Variants in CUBN observed in about 807,000 individuals in gnomAD.
CUBN encodes 460 kDa receptor.
A neutral mutation model predicts 405.3 loss-of-function variants in CUBN; 282 were observed. The ratio of observed to expected loss-of-function variants is 0.70; its 90% CI spans 0.63 to 0.77. The LOEUF is 0.77. Among genes scored for constraint, CUBN ranks in the 30% least tolerant of loss-of-function variants. The pLI is 0.00. For synonymous variants in CUBN, 1,684 were observed against 1,617.0 expected (o/e 1.04, Z -0.99); for missense variants, 4,514 against 4,475.2 (o/e 1.01, Z -0.25).
intron 28 of CUBN, among the ~76,000 whole-genome samples, chr10:16,992,886 G>A (rs1056961293): frequency 2.0e-5 from 3 of 152,232 alleles, no homozygotes; most frequent in African/African-American, 7.2e-5. Context: ...CACAAGTACC[G>A]TAAAAGATGA....
At chr10:16,901,912 TATATATA>T (rs1564412988) in intron 51 of CUBN, among the ~76,000 whole-genome samples, 1 of 77,992 alleles carries the variant, frequency 1.3e-5, no homozygotes, top group Non-Finnish European at 2.9e-5. Flanking sequence ...TATATATATA[TATATATA>T]CACACACACA....
chr10:16,971,805 A>AC (rs1554802957), intron 31 of CUBN, among the ~76,000 whole-genome samples: 1 of 149,894 alleles, frequency 6.7e-6, no homozygotes, highest in African/African-American at 2.5e-5. Context: ...ATATTTCTCC[A>AC]TTTTTTTTAA....
rs1444343048 is a variant in CUBN at position 16,898,191 on chromosome 10, C to A, written c.8598+805G>T. 1.3e-5 allele frequency among the ~76,000 whole-genome samples: 2 copies of A among 151,706 alleles called. 1 individual carries two copies. Among genetic ancestry groups the A allele is most frequent in the East Asian group, 3.9e-4 (2 of 5,142 alleles). ...GAAGTAATAACACTGACAATAAAAGCCACTTTGACTCATCAAGTGACTTTA... is the reference window on the plus strand; with the variant it reads ...GAAGTAATAACACTGACAATAAAAGACACTTTGACTCATCAAGTGACTTTA... On this transcript the variant is annotated intron_variant, in intron 54 of 66. Transcript: ENST00000377833.
chr10:16,929,631 T>C (rs937943412), intron 40 of CUBN, among the ~76,000 whole-genome samples: 5 of 152,188 alleles, frequency 3.3e-5, no homozygotes, highest in African/African-American at 1.2e-4. Flanking sequence ...AAAATGGCAT[T>C]CTTTGGAGGG....
At chr10:16,854,008 G>A (rs1022241808) in intron 59 of CUBN, among the ~76,000 whole-genome samples, 2 of 152,150 alleles carry the variant, frequency 1.3e-5, no homozygotes, top group African/African-American at 4.8e-5. Context: ...TAATGATGAC[G>A]CAATTTAGAA....
At chr10:17,129,000 T>C (rs1287785142) in intron 2 of CUBN, 121 bp downstream of exon 2, 5 of 742,304 alleles carry the variant, frequency 6.7e-6, no homozygotes, top group South Asian at 5.7e-5. Flanking sequence ...TGTATCAAAT[T>C]ATGTATTAAT....
At position 17,068,703 on chromosome 10, in the gene CUBN, A is replaced by C. The variant is rs753632461; in HGVS notation, c.2693T>G (p.Phe898Cys). The change falls in exon 20 of 67, where the codon TTT (phenylalanine) becomes TGT (cysteine). Residue 898 changes from phenylalanine (F) to cysteine (C), a missense_variant. By Grantham distance (205) the Phe-to-Cys change is radical (BLOSUM62 -2). Around this residue, in one of 5 missense-constraint regions of CUBN, gnomAD observed 1,448 missense variants for 1,388.0 expected, o/e 1.04. Coordinates refer to ENST00000377833, the MANE Select transcript of CUBN (RefSeq NM_001081.4). ...AAGAAAATTGTACACAGATGTTATA[A>C]ATGAAGGTATGTCTGTACCGCAATA... ...KKYCGTDIPS[F>C]ITSVYNFLYV... The C allele has an allele frequency of 1.3e-5, 21 of 1,612,218 alleles. No homozygotes were observed. Among genetic ancestry groups the C allele is most frequent in the Non-Finnish European group, 1.8e-5 (21 of 1,178,640 alleles).
chr10:16,981,867 TCTC>T (rs1358198107), intron 31 of CUBN, among the ~76,000 whole-genome samples: 1 of 152,136 alleles, frequency 6.6e-6, no homozygotes, highest in Non-Finnish European at 1.5e-5. Context: ...CCATATTCCT[TCTC>T]CTCCACTCCC....
intron 5 of CUBN, among the ~76,000 whole-genome samples, chr10:17,123,259 A>G (rs891424840): frequency 2.6e-5 from 4 of 152,224 alleles, no homozygotes; most frequent in African/African-American, 9.7e-5. Context: ...CAAACAAAGA[A>G]AATGAGAAAA....
At chr10:17,007,770 G>A (rs1340152937) in intron 28 of CUBN, among the ~76,000 whole-genome samples, 2 of 152,264 alleles carry the variant, frequency 1.3e-5, no homozygotes, top group African/African-American at 4.8e-5. Flanking sequence ...CCCTCCACCT[G>A]ATTCTGAGAA....
chr10:16,867,496 T>G (rs965055804), intron 59 of CUBN, among the ~76,000 whole-genome samples: 1 of 152,232 alleles, frequency 6.6e-6, no homozygotes, highest in Non-Finnish European at 1.5e-5. Context: ...ACCACTGCAA[T>G]GCAAAATCAT....
At chr10:16,885,318 T>C (rs1840780837) in intron 56 of CUBN, among the ~76,000 whole-genome samples, 1 of 152,218 alleles carries the variant, frequency 6.6e-6, no homozygotes, top group South Asian at 2.1e-4. Context: ...GGCATTGTTG[T>C]AAGGATACCA....
intron 60 of CUBN, among the ~76,000 whole-genome samples, chr10:16,847,224 G>A (rs908393786): frequency 2.6e-5 from 4 of 152,128 alleles, no homozygotes; most frequent in Admixed American, 6.6e-5. Flanking sequence ...AGGCCGAGGC[G>A]GGCGGATCCC....
At chr10:17,029,520 C>T (rs1008811921) in intron 27 of CUBN, among the ~76,000 whole-genome samples, 2 of 152,190 alleles carry the variant, frequency 1.3e-5, no homozygotes, top group African/African-American at 4.8e-5. Flanking sequence ...ATGCTTAGTA[C>T]GGTGCTAGAC....
intron 17 of CUBN, among the ~76,000 whole-genome samples, chr10:17,081,052 T>TAA (rs5783532): frequency 8.6e-5 from 13 of 151,278 alleles, no homozygotes; most frequent in East Asian, 5.8e-4. Context: ...TTCCTTGTGT[T>TAA]AAAAAAAAAG....
At chr10:17,002,567 G>T (rs1438889565) in intron 28 of CUBN, among the ~76,000 whole-genome samples, 1 of 152,184 alleles carries the variant, frequency 6.6e-6, no homozygotes, top group African/African-American at 2.4e-5. Flanking sequence ...AGAGGCCCTT[G>T]CTGGTGAAGA....
At chr10:16,856,574 T>C (rs1297959167) in intron 59 of CUBN, among the ~76,000 whole-genome samples, 1 of 152,216 alleles carries the variant, frequency 6.6e-6, no homozygotes, top group East Asian at 1.9e-4. Flanking sequence ...AGTTACATTC[T>C]CTTGGATAAA....
chr10:16,903,662 T>A (rs1044793844), intron 51 of CUBN, among the ~76,000 whole-genome samples: 31 of 147,652 alleles, frequency 2.1e-4, no homozygotes, highest in African/African-American at 6.4e-4. Flanking sequence ...TTAATAATTA[T>A]TTATTATTAT....
In CUBN at chr10:17,108,563, T is replaced by C. The variant is rs149773319; in HGVS notation, c.1111+1077A>G. Among the ~76,000 whole-genome samples, 819 of 152,242 alleles carry C rather than the reference T, an allele frequency of 5.4e-3. 11 individuals are homozygous for C. Among genetic ancestry groups the C allele is most frequent in the African/African-American group, 0.019 (790 of 41,546 alleles). On this transcript the variant is annotated intron_variant, in intron 10 of 66. Transcript: ENST00000377833. ...CAAAAATACCAAGCCAGATCTCTAT[T>C]TGATGCTACGGATAAAAAATACATT...
Sources: gnomAD v4.1 joint callset for allele counts (sites outside exome capture counted in the v4.1 genomes callset) on GRCh38, gnomAD v4.1.1 for gene constraint, gnomAD v4.1.1 regional missense constraint, MANE v1.5 for transcripts, NCBI Gene and HGNC (gene_info 2026-07-23, HGNC 2026-07-21) for gene names.